CYP1B1: variants seen among roughly 807,000 people sequenced by gnomAD.
CYP1B1 encodes cytochrome P450 family 1 subfamily B member 1, also known as cytochrome P450 1B1.
A neutral mutation model predicts 29.9 loss-of-function variants in CYP1B1; 22 were observed. The ratio of observed to expected loss-of-function variants is 0.74; its 90% CI spans 0.53 to 1.05. The LOEUF (loss-of-function observed/expected upper bound fraction) is 1.05, where lower values mean the gene tolerates loss of function less well. CYP1B1 is among the 50% of genes least tolerant of loss of function. The probability of loss-of-function intolerance (pLI) is 0.00; values close to 1 mark genes in which losing one functional copy is unlikely to be tolerated. For synonymous variants in CYP1B1, 375 were observed against 320.0 expected, an observed-to-expected ratio of 1.17 and a Z score of -1.83; for missense variants, 883 against 746.9, an observed-to-expected ratio of 1.18 and a Z score of -2.12.
Position 38,070,529 on chromosome 2 carries a change from G to A in CYP1B1, c.*193C>T. On this transcript the variant is annotated 3_prime_UTR_variant, in exon 3 of 3. Coordinates refer to ENST00000610745, the MANE Select transcript of CYP1B1 (RefSeq NM_000104.4). ...TTTGACTCAAAAAAATCTCCCAGAA[G>A]CTCCTGCATAGCCCACTACTCATGA... 1 of 602,476 alleles carries A rather than the reference G, an allele frequency of 1.7e-6. No individual in the cohort carries two copies. Among genetic ancestry groups the A allele is most frequent in the East Asian group, 2.8e-5 (1 of 35,918 alleles). The allele number at this position is 602,476 out of a possible 1,614,324, so 37.3% of individuals were successfully genotyped here. A position where few individuals can be genotyped will look rare whatever the true frequency, so the allele number is the denominator to read the frequency against.
At chr2:38,075,481 G>A in intron 1 of CYP1B1, 92 bp from the exon 2 acceptor site, 5 of 1,325,668 alleles carry the variant, frequency 3.8e-6, no homozygotes, top group Non-Finnish European at 5.3e-6. Context: ...GGGACTGAGT[G>A]CCGTTGGGTG....
In CYP1B1 at chr2:38,070,348, A is replaced by G; in HGVS notation, c.*374T>C. On this transcript the variant is annotated 3_prime_UTR_variant, in exon 3 of 3. Transcript: ENST00000610745. The stretch of plus-strand genomic sequence containing the variant: ...GAGACCAATCTTGGATTCCCACCAA[A>G]AATGGCCTGGTTACCAAAATACTGC... 3.2e-6 allele frequency: 1 copy of G among 313,668 alleles called. No individual in the cohort carries two copies. The highest frequency in any genetic ancestry group is 6.0e-5 in the South Asian group (1 of 16,746). 19.4% of individuals were successfully genotyped at this position (313,668 alleles called of 1,614,324 possible). A position where few individuals can be genotyped will look rare whatever the true frequency, so the allele number is the denominator to read the frequency against.
intron 2 of CYP1B1, among the ~76,000 whole-genome samples, chr2:38,072,592 A>T (rs946454973): frequency 1.3e-5 from 2 of 152,224 alleles, no homozygotes; most frequent in African/African-American, 2.4e-5. Context: ...ACTCCGAAAA[A>T]AAATGTATAC....
Position 38,070,518 on chromosome 2 carries a change from A to G in CYP1B1, c.*204T>C, listed in dbSNP as rs1682405781. 1 of 596,396 alleles carries G rather than the reference A, an allele frequency of 1.7e-6. No homozygotes were observed. The highest frequency in any genetic ancestry group is 2.8e-5 in the East Asian group (1 of 35,702). 36.9% of individuals were successfully genotyped at this position (596,396 alleles called of 1,614,324 possible). ...CCCTTTAAGTCTTTGACTCAAAAAA[A>G]TCTCCCAGAAGCTCCTGCATAGCCC... is the stretch of plus-strand genomic sequence containing the variant. On this transcript the variant is annotated 3_prime_UTR_variant, in exon 3 of 3. Transcript: ENST00000610745.
At position 38,075,038 on chromosome 2, in the gene CYP1B1, C is replaced by T. The variant is rs1401768730; in HGVS notation, c.351G>A (p.Arg117=). Residue 117 remains arginine, a synonymous_variant, in exon 2 of 3, where the codon CGG becomes CGA. Coordinates refer to ENST00000610745, the MANE Select transcript of CYP1B1 (RefSeq NM_000104.4). ...LVQQGSAFAD[R]PAFASFRVVS... ...CCACACGGAAGGAGGCGAAGGCCGG[C>T]CGGTCGGCGAAGGCCGAGCCCTGCT... The T allele has an allele frequency of 1.3e-6, 2 of 1,588,796 alleles. No homozygotes were observed. The highest frequency in any genetic ancestry group is 1.7e-5 in the Admixed American group (1 of 59,080).
Position 38,067,745 on chromosome 2 carries a change from C to G in CYP1B1, c.*2977G>C, listed in dbSNP as rs779209305. 1 of 182,664 alleles carries G rather than the reference C, an allele frequency of 5.5e-6. No homozygotes were observed. The allele number at this position is 182,664 out of a possible 1,614,324, so 11.3% of individuals were successfully genotyped here. A position where few individuals can be genotyped will look rare whatever the true frequency, so the allele number is the denominator to read the frequency against. ...TCCCCAGAATGTACTTTGTCTACAACTATGCACTGTAGCTATTATGCACAC... is the reference window on the plus strand; with the variant it reads ...TCCCCAGAATGTACTTTGTCTACAAGTATGCACTGTAGCTATTATGCACAC... On this transcript the variant is annotated 3_prime_UTR_variant, in exon 3 of 3. Transcript: ENST00000610745.
intron 2 of CYP1B1, among the ~76,000 whole-genome samples, chr2:38,073,041 C>T (rs556655150): frequency 2.0e-5 from 3 of 152,302 alleles, no homozygotes; most frequent in East Asian, 3.9e-4. Context: ...TGCCTATCTG[C>T]GGATGCACAA....
rs79204362 is a variant in CYP1B1 at position 38,071,251 on chromosome 2, C to T, written c.1103G>A (p.Arg368His). The change falls in exon 3 of 3, where the codon CGT (arginine) becomes CAT (histidine). Residue 368 changes from arginine (R) to histidine (H), a missense_variant. By Grantham distance (29) the Arg-to-His change is conservative. Transcript: ENST00000610745. The stretch of plus-strand genomic sequence containing the variant: ...GGGCTGGTCACCCATACAAGGCAGA[C>T]GGTCCCTCCCCACGACCTGATCCAA... ...AELDQVVGRD[R>H]LPCMGDQPNL... is the part of the protein sequence containing the mutation. The T allele has an allele frequency of 3.1e-3, 5,031 of 1,613,104 alleles. 89 individuals carry two copies. Among genetic ancestry groups the T allele is most frequent in the South Asian group, 0.031 (2,804 of 91,076 alleles).
Position 38,069,457 on chromosome 2 carries a change from T to G in CYP1B1, c.*1265A>C. 1 of 206,110 alleles carries G rather than the reference T, an allele frequency of 4.9e-6. No individual in the cohort carries two copies. The highest frequency in any genetic ancestry group is 9.9e-6 in the Non-Finnish European group (1 of 100,870). The allele number at this position is 206,110 out of a possible 1,614,324, so 12.8% of individuals were successfully genotyped here. A position where few individuals can be genotyped will look rare whatever the true frequency, so the allele number is the denominator to read the frequency against. On this transcript the variant is annotated 3_prime_UTR_variant, in exon 3 of 3. Coordinates refer to ENST00000610745, the MANE Select transcript of CYP1B1 (RefSeq NM_000104.4). ...ACTAACTTCAACTGGAACTCAATAA[T>G]CAGAATGGCTTTAAAATTTAGTTAA...
At position 38,075,780 on chromosome 2, in the gene CYP1B1, C is replaced by T. The variant is rs9341245; in HGVS notation, c.-2G>A. On this transcript the variant is annotated splice_region_variant and 5_prime_UTR_variant, in exon 1 of 3. Coordinates refer to ENST00000610745, the MANE Select transcript of CYP1B1 (RefSeq NM_000104.4). ...GCAGCGCCTCGGCAGACAGACTGAC[C>T]TGCGGGGAGGTGCGGTTTCCAGTGG... The T allele has an allele frequency of 4.8e-3, 1,328 of 276,490 alleles. 21 individuals are homozygous for T. Among genetic ancestry groups the T allele is most frequent in the South Asian group, 0.021 (471 of 22,540 alleles). 17.1% of individuals were successfully genotyped at this position (276,490 alleles called of 1,614,324 possible). A position where few individuals can be genotyped will look rare whatever the true frequency, so the allele number is the denominator to read the frequency against.
Position 38,075,381 on chromosome 2 carries a change from G to A in CYP1B1, c.8C>T (p.Thr3Ile), listed in dbSNP as rs372685881. Residue 3 changes from threonine to isoleucine, a missense_variant, in exon 2 of 3, where the codon ACC becomes ATC. By Grantham distance (89) the Thr-to-Ile change is moderately conservative. Coordinates refer to ENST00000610745, the MANE Select transcript of CYP1B1 (RefSeq NM_000104.4). MG[T>I]SLSPNDPWPL... is the part of the protein sequence containing the mutation. ...CCAAGGGTCGTTCGGGCTGAGGCTG[G>A]TGCCCATGCTGGGGACAGAGAGGAG... 1.9e-6 allele frequency: 3 copies of A among 1,612,470 alleles called. No homozygotes were observed. In the East Asian group the frequency reaches 6.7e-5, roughly 36 times the overall value.
At position 38,071,274 on chromosome 2, in the gene CYP1B1, CA is replaced by C; in HGVS notation, c.1079del (p.Leu360TrpfsTer68). ...GACGGTCCCTCCCCACGACCTGATC[CA>C]ATTCTGCCTGCACTCGAGTCTGCAC... ...PDVQTRVQAELDQVVGRDRLP... is the reference protein window; with the variant it reads ...PDVQTRVQAEXDQVVGRDRLP... On this transcript the variant is annotated frameshift_variant, in exon 3 of 3. Coordinates refer to ENST00000610745, the MANE Select transcript of CYP1B1 (RefSeq NM_000104.4). LOFTEE classifies it high-confidence loss of function. 1 of 1,613,032 alleles carries C rather than the reference CA, an allele frequency of 6.2e-7. No homozygotes were observed. Among genetic ancestry groups the C allele is most frequent in the Middle Eastern group, 1.6e-4 (1 of 6,062 alleles).
intron 2 of CYP1B1, 51 bp downstream of exon 2, chr2:38,074,295 C>T (rs375405573): frequency 1.3e-6 from 2 of 1,587,446 alleles, no homozygotes; most frequent in Non-Finnish European, 1.7e-6. Context: ...GTCTCTACTC[C>T]GCCTTTTTCA....
intron 2 of CYP1B1, 74 bp downstream of exon 2, chr2:38,074,272 C>G: frequency 1.3e-6 from 2 of 1,525,192 alleles, no homozygotes; most frequent in Non-Finnish European, 1.8e-6. Flanking sequence ...TGCTTGCAAA[C>G]TCAGCATATT....
At position 38,074,584 on chromosome 2, in the gene CYP1B1, T is replaced by C. The variant is rs747047052; in HGVS notation, c.805A>G (p.Ser269Gly). The C allele has an allele frequency of 4.3e-6, 7 of 1,612,348 alleles. No homozygotes were observed. The African/African-American group carries it at 9.3e-5, about 22-fold the overall frequency. Reference sequence around the variant, plus strand: ...AAGAACTTGTCCAGGATGAAGTTGCTGAAGTTGCGGTTGAGCTGCTCGAAT... The same window carrying C: ...AAGAACTTGTCCAGGATGAAGTTGCCGAAGTTGCGGTTGAGCTGCTCGAAT... ...REFEQLNRNF[S>G]NFILDKFLRH... The change falls in exon 2 of 3, where the codon AGC becomes GGC. Residue 269 changes from serine to glycine, a missense_variant. Coordinates refer to ENST00000610745, the MANE Select transcript of CYP1B1 (RefSeq NM_000104.4).
At chr2:38,071,397 C>A (rs1301751884) in intron 2 of CYP1B1, 87 bp from the exon 3 acceptor site, 1 of 1,285,856 alleles carries the variant, frequency 7.8e-7, no homozygotes, top group African/African-American at 1.5e-5. Context: ...TATTTTAATT[C>A]CACTTTTTCT....
rs903946149 is a variant in CYP1B1 at position 38,067,952 on chromosome 2, T to C, written c.*2770A>G. On this transcript the variant is annotated 3_prime_UTR_variant, in exon 3 of 3. Transcript: ENST00000610745. ...ATCTAATATAGATCTACTAGGAAAA[T>C]ATTAAGGCTGTAGTAACACTTCACA... is the stretch of plus-strand genomic sequence containing the variant. 1 of 194,842 alleles carries C rather than the reference T, an allele frequency of 5.1e-6. No individual in the cohort carries two copies. The highest frequency in any genetic ancestry group is 1.1e-5 in the Non-Finnish European group (1 of 93,288). 12.1% of individuals were successfully genotyped at this position (194,842 alleles called of 1,614,324 possible). A position where few individuals can be genotyped will look rare whatever the true frequency, so the allele number is the denominator to read the frequency against.
Position 38,068,469 on chromosome 2 carries a change from G to T in CYP1B1, c.*2253C>A, listed in dbSNP as rs1214084352. 1 of 225,098 alleles carries T rather than the reference G, an allele frequency of 4.4e-6. No homozygotes were observed. Among genetic ancestry groups the T allele is most frequent in the East Asian group, 6.4e-5 (1 of 15,604 alleles). The allele number at this position is 225,098 out of a possible 1,614,324, so 13.9% of individuals were successfully genotyped here. ...TAATGAGGCATCCAGATTGGTTCAT[G>T]ATTATTTTTGCAGCTACACATTTCT... On this transcript the variant is annotated 3_prime_UTR_variant, in exon 3 of 3. Coordinates refer to ENST00000610745, the MANE Select transcript of CYP1B1 (RefSeq NM_000104.4).
chr2:38,073,522 T>G (rs1682468621), intron 2 of CYP1B1: 2 of 152,248 alleles, frequency 1.3e-5, no homozygotes, highest in Admixed American at 1.3e-4. Context: ...TTACTTTTCT[T>G]TTGCCAAATC....
Sources: gnomAD v4.1 joint callset for allele counts (sites outside exome capture counted in the v4.1 genomes callset) on GRCh38, gnomAD v4.1.1 for gene constraint, MANE v1.5 for transcripts, NCBI Gene and HGNC (gene_info 2026-07-23, HGNC 2026-07-21) for gene names.